Variants in SLC16A1 observed in about 807,000 individuals in gnomAD.
SLC16A1 encodes the protein solute carrier family 16 member 1.
SLC16A1 carries 11 observed loss-of-function variants against 32.2 expected under a neutral mutation model. That is an observed-to-expected ratio of 0.34 (90% CI 0.21 to 0.56). The LOEUF (loss-of-function observed/expected upper bound fraction) is 0.56. Among genes scored for constraint, SLC16A1 ranks in the 20% least tolerant of loss-of-function variants. The pLI is 0.87. For synonymous variants in SLC16A1, 231 were observed against 226.8 expected, an observed-to-expected ratio of 1.02 and a Z score of -0.17; for missense variants, 435 against 615.0, an observed-to-expected ratio of 0.71 and a Z score of 3.10.
rs936367752 is a variant in SLC16A1 at position 112,913,612 on chromosome 1, A to G, written c.*279T>C. 6.7e-6 allele frequency: 3 copies of G among 444,692 alleles called. No individual in the cohort carries two copies. The highest frequency in any genetic ancestry group is 8.2e-6 in the Non-Finnish European group (2 of 245,106). The allele number at this position is 444,692 out of a possible 1,614,324, so 27.5% of individuals were successfully genotyped here. A position where few individuals can be genotyped will look rare whatever the true frequency, so the allele number is the denominator to read the frequency against. On this transcript the variant is annotated 3_prime_UTR_variant, in exon 5 of 5. Coordinates refer to ENST00000369626, the MANE Select transcript of SLC16A1 (RefSeq NM_003051.4). ...AGTTCTAAAGACTAAAACTTAAGGC[A>G]CATATTATAATCTTTATGACACTAT... is the stretch of plus-strand genomic sequence containing the variant.
intron 1 of SLC16A1, among the ~76,000 whole-genome samples, chr1:112,937,104 T>C (rs1463319204): frequency 6.6e-6 from 1 of 152,170 alleles, no homozygotes; most frequent in African/African-American, 2.4e-5. Flanking sequence ...ACTTAAAAAA[T>C]TTCAAAGAAC....
At chr1:112,927,107 G>A (rs1648968130) in intron 2 of SLC16A1, among the ~76,000 whole-genome samples, 2 of 137,284 alleles carry the variant, frequency 1.5e-5, no homozygotes, top group South Asian at 4.6e-4. Context: ...GGTCAACAGT[G>A]AGACCCTGTG....
At chr1:112,940,563 T>C (rs892231296) in intron 1 of SLC16A1, among the ~76,000 whole-genome samples, 1 of 152,156 alleles carries the variant, frequency 6.6e-6, no homozygotes, top group Non-Finnish European at 1.5e-5. Context: ...GGTTAGACAA[T>C]GTTTTTTTCA....
Position 112,913,883 on chromosome 1 carries a change from C to T in SLC16A1, c.*8G>A. 6.2e-7 allele frequency: 1 copy of T among 1,614,140 alleles called. No individual in the cohort carries two copies. The highest frequency in any genetic ancestry group is 8.5e-7 in the Non-Finnish European group (1 of 1,180,000). ...GAACTGCTCAATTTACCCTTCAGCC[C>T]CATGGATTCAGACTGGACTTTCCTC... On this transcript the variant is annotated 3_prime_UTR_variant, in exon 5 of 5. Transcript: ENST00000369626.
intron 1 of SLC16A1, among the ~76,000 whole-genome samples, chr1:112,944,499 A>C (rs1649625767): frequency 1.3e-5 from 2 of 152,210 alleles, no homozygotes; most frequent in Non-Finnish European, 2.9e-5. Flanking sequence ...CAAGTTATAC[A>C]TGTGTGTTAT....
At position 112,917,219 on chromosome 1, in the gene SLC16A1, A is replaced by G. The variant is rs897021335; in HGVS notation, c.1187T>C (p.Ile396Thr). The change falls in exon 4 of 5, where the codon ATT becomes ACT. Residue 396 changes from isoleucine to threonine, a missense_variant. By Grantham distance (89) the Ile-to-Thr change is moderately conservative (BLOSUM62 -1). Around this residue, in one of 2 missense-constraint regions of SLC16A1, gnomAD observed 324 missense variants for 500.3 expected, o/e 0.65. Coordinates refer to ENST00000369626, the MANE Select transcript of SLC16A1 (RefSeq NM_003051.4). The surrounding 1 kb of genome is among the most constrained non-coding windows in gnomAD (Gnocchi z 4.1). ...RFSSAVGLVT[I>T]VECCPVLLGP... ...CAGGAGGACAGGACAGCATTCCACA[A>G]TGGTCACCAATCCCACAGCGCTGGA... The G allele has an allele frequency of 6.2e-7, 1 of 1,614,210 alleles. No individual in the cohort carries two copies. The highest frequency in any genetic ancestry group is 2.2e-5 in the East Asian group (1 of 44,886).
At chr1:112,914,493 T>A (rs940639159) in intron 4 of SLC16A1, among the ~76,000 whole-genome samples, 2 of 152,236 alleles carry the variant, frequency 1.3e-5, no homozygotes, top group African/African-American at 2.4e-5. Context: ...TAAAAGAGGC[T>A]TGGGAGTCTT....
chr1:112,949,791 C>CA (rs1239967434), intron 1 of SLC16A1, among the ~76,000 whole-genome samples: 1 of 152,102 alleles, frequency 6.6e-6, no homozygotes, highest in Non-Finnish European at 1.5e-5. Context: ...CCACCCACCT[C>CA]AGCCTCCCAA....
intron 2 of SLC16A1, chr1:112,924,099 G>T: frequency 2.3e-6 from 3 of 1,320,056 alleles, no homozygotes; most frequent in Non-Finnish European, 3.3e-6. Flanking sequence ...GGTAGAGAAG[G>T]CCCTGCAGGC....
At chr1:112,920,387 C>T (rs1447955651) in intron 3 of SLC16A1, among the ~76,000 whole-genome samples, 2 of 152,160 alleles carry the variant, frequency 1.3e-5, no homozygotes. Flanking sequence ...GCAGGCGGAC[C>T]ATGAGGTCAG....
chr1:112,929,031 T>A, intron 2 of SLC16A1, 61 bp downstream of exon 2: 1 of 1,156,580 alleles, frequency 8.6e-7, no homozygotes, highest in Non-Finnish European at 1.3e-6. Context: ...TAAAGTTACC[T>A]AATACAGACA....
intron 2 of SLC16A1, chr1:112,924,399 C>T: frequency 9.0e-7 from 1 of 1,115,608 alleles, no homozygotes; most frequent in Non-Finnish European, 1.4e-6. Flanking sequence ...TTGTTTCTCA[C>T]ACTTTCTTTA....
chr1:112,917,262 C>T lies in SLC16A1; in HGVS notation c.1144G>A (p.Val382Ile). Residue 382 changes from valine to isoleucine, a missense_variant, in exon 4 of 5, where the codon GTT becomes ATT. Val to Ile is a conservative substitution (Grantham distance 29). This residue lies in a region of SLC16A1 where 324 missense variants were observed against 500.3 expected (regional missense o/e 0.65). Transcript: ENST00000369626. This position sits in a 1 kb window ranked among gnomAD's most constrained non-coding sequence, Gnocchi z 4.1. ...GCGCTGGAGAACCTCTGGGGTCCAA[C>T]AAGGTCCATCAATGTTTCAAACAAT... ...SVLFETLMDLVGPQRFSSAVG... is the reference protein window; with the variant it reads ...SVLFETLMDLIGPQRFSSAVG... The T allele has an allele frequency of 6.2e-7, 1 of 1,614,204 alleles. No individual in the cohort carries two copies. The highest frequency in any genetic ancestry group is 8.5e-7 in the Non-Finnish European group (1 of 1,180,040).
At chr1:112,941,115 A>G (rs767405474) in intron 1 of SLC16A1, among the ~76,000 whole-genome samples, 4 of 152,104 alleles carry the variant, frequency 2.6e-5, no homozygotes, top group Non-Finnish European at 5.9e-5. Flanking sequence ...GATGGGTTCA[A>G]TTGTACTCCA....
rs1648388833 is a variant in SLC16A1 at position 112,913,386 on chromosome 1, A to T, written c.*505T>A. 4 of 158,764 alleles carry T rather than the reference A, an allele frequency of 2.5e-5. No individual in the cohort carries two copies. The highest frequency in any genetic ancestry group is 2.4e-4 in the Admixed American group (4 of 16,588). 9.8% of individuals were successfully genotyped at this position (158,764 alleles called of 1,614,324 possible). A position where few individuals can be genotyped will look rare whatever the true frequency, so the allele number is the denominator to read the frequency against. On this transcript the variant is annotated 3_prime_UTR_variant, in exon 5 of 5. Transcript: ENST00000369626. The stretch of plus-strand genomic sequence containing the variant: ...AAATATTTTTGTCAGCATTTTGTAA[A>T]ATCTCTAACTTTCAACCAATATTTC...
intron 1 of SLC16A1, among the ~76,000 whole-genome samples, chr1:112,941,609 A>G (rs1205914834): frequency 6.6e-6 from 1 of 152,104 alleles, no homozygotes; most frequent in Non-Finnish European, 1.5e-5. Flanking sequence ...CCTAAATACC[A>G]TACGTATTCT....
chr1:112,915,032 A>G (rs1347743033), intron 4 of SLC16A1, among the ~76,000 whole-genome samples: 1 of 152,240 alleles, frequency 6.6e-6, no homozygotes, highest in Non-Finnish European at 1.5e-5. Flanking sequence ...AGGACTTAAT[A>G]CAACCAATTT....
At chr1:112,942,948 G>A (rs1649559746) in intron 1 of SLC16A1, among the ~76,000 whole-genome samples, 1 of 152,042 alleles carries the variant, frequency 6.6e-6, no homozygotes, top group African/African-American at 2.4e-5. Flanking sequence ...ATACATATAT[G>A]CACGCACTTG....
chr1:112,951,902 A>G (rs1649909892), intron 1 of SLC16A1, among the ~76,000 whole-genome samples: 1 of 152,228 alleles, frequency 6.6e-6, no homozygotes, highest in Non-Finnish European at 1.5e-5. Flanking sequence ...TATTCTAGTT[A>G]AATTAAAAAT....
Sources: gnomAD v4.1 joint callset for allele counts (sites outside exome capture counted in the v4.1 genomes callset) on GRCh38, gnomAD v4.1.1 for gene constraint, gnomAD v4.1.1 regional missense constraint, Gnocchi (gnomAD v3.1) non-coding constraint, MANE v1.5 for transcripts, NCBI Gene and HGNC (gene_info 2026-07-23, HGNC 2026-07-21) for gene names.